BNC2: variants seen among roughly 807,000 people sequenced by gnomAD.
BNC2 encodes the protein zinc finger protein basonuclin-2.
Under a neutral mutation model 76.3 loss-of-function variants are expected in BNC2, and 20 were observed. That is an observed-to-expected ratio of 0.26 (90% CI 0.18 to 0.38). The LOEUF (loss-of-function observed/expected upper bound fraction) is 0.38. BNC2 is among the 10% of genes least tolerant of loss of function. The pLI is 1.00. For synonymous variants in BNC2, 582 were observed against 514.8 expected, an observed-to-expected ratio of 1.13 and a Z score of -1.77; for missense variants, 1,382 against 1,399.8, an observed-to-expected ratio of 0.99 and a Z score of 0.20.
chr9:16,788,539 C>T (rs1332642161), intron 1 of BNC2, among the ~76,000 whole-genome samples: 2 of 131,016 alleles, frequency 1.5e-5, no homozygotes, highest in Non-Finnish European at 3.1e-5. Flanking sequence ...GGCGACAGAG[C>T]AACACTCCTT....
At chr9:16,644,091 T>C (rs1007942490) in intron 3 of BNC2, among the ~76,000 whole-genome samples, 1 of 152,174 alleles carries the variant, frequency 6.6e-6, no homozygotes. Context: ...GTAACCTACA[T>C]CAAAAGACTT....
intron 1 of BNC2, among the ~76,000 whole-genome samples, chr9:16,744,741 G>A (rs1824950515): frequency 6.6e-6 from 1 of 152,150 alleles, no homozygotes; most frequent in South Asian, 2.1e-4. Context: ...CTAGTTTGTG[G>A]CAAGGAGAAA....
intron 1 of BNC2, among the ~76,000 whole-genome samples, chr9:16,860,441 C>A (rs1819369878): frequency 6.6e-6 from 1 of 152,154 alleles, no homozygotes; most frequent in South Asian, 2.1e-4. Context: ...TGGAGAAAAA[C>A]TGTCTTTTCA....
At chr9:16,822,495 T>C (rs1192948898) in intron 1 of BNC2, among the ~76,000 whole-genome samples, 2 of 152,158 alleles carry the variant, frequency 1.3e-5, no homozygotes, top group Non-Finnish European at 2.9e-5. Flanking sequence ...TAGAGTGAAC[T>C]AGTTAGTTTC....
At chr9:16,621,826 C>T (rs551901833) in intron 3 of BNC2, among the ~76,000 whole-genome samples, 12 of 152,090 alleles carry the variant, frequency 7.9e-5, no homozygotes, top group African/African-American at 2.9e-4. Flanking sequence ...GAAAATGTCT[C>T]GATAAACACT....
At chr9:16,691,504 C>CTTTTTTTT (rs71327842) in intron 3 of BNC2, among the ~76,000 whole-genome samples, 4 of 113,234 alleles carry the variant, frequency 3.5e-5, no homozygotes, top group African/African-American at 1.1e-4. Flanking sequence ...GGTATGGGTT[C>CTTTTTTTT]TTTTTTTTTT....
chr9:16,499,779 C>T (rs1276837084), intron 5 of BNC2, among the ~76,000 whole-genome samples: 1 of 151,990 alleles, frequency 6.6e-6, no homozygotes, highest in Non-Finnish European at 1.5e-5. Flanking sequence ...GATAAGCCTG[C>T]CTCAGCCTCC....
intron 3 of BNC2, among the ~76,000 whole-genome samples, chr9:16,685,056 T>C (rs1191914988): frequency 2.0e-5 from 3 of 152,206 alleles, no homozygotes; most frequent in Non-Finnish European, 4.4e-5. Flanking sequence ...GGAGACCATA[T>C]TGTAGGAAGC....
chr9:16,818,765 G>A (rs1211333187), intron 1 of BNC2, among the ~76,000 whole-genome samples: 2 of 152,066 alleles, frequency 1.3e-5, no homozygotes, highest in African/African-American at 4.8e-5. Flanking sequence ...GGAATCAAGT[G>A]AGCCTCCCAC....
At chr9:16,597,467 G>A (rs10118611) in intron 3 of BNC2, among the ~76,000 whole-genome samples, 4,277 of 152,134 alleles carry the variant, frequency 0.028, 207 homozygotes, top group African/African-American at 0.097. Flanking sequence ...GCAGGAATTT[G>A]CTCTGCAAAC....
At chr9:16,803,201 T>C (rs900630456) in intron 1 of BNC2, among the ~76,000 whole-genome samples, 1 of 152,236 alleles carries the variant, frequency 6.6e-6, no homozygotes, top group Non-Finnish European at 1.5e-5. Context: ...CTTGGCTCAA[T>C]TGTGAAATGC....
chr9:16,822,092 CAAAAAAAA>C (rs531393812), intron 1 of BNC2, among the ~76,000 whole-genome samples: 2 of 32,626 alleles, frequency 6.1e-5, no homozygotes, highest in Non-Finnish European at 1.2e-4. Context: ...GACTCCATCT[CAAAAAAAA>C]AAAAAAAAAA....
chr9:16,806,457 AATG>A (rs1048391379), intron 1 of BNC2, among the ~76,000 whole-genome samples: 34 of 152,356 alleles, frequency 2.2e-4, no homozygotes, highest in African/African-American at 5.3e-4. Flanking sequence ...CTTGGAACAT[AATG>A]ATAAGAAGGA....
At chr9:16,528,261 CT>C (rs1817871728) in intron 5 of BNC2, among the ~76,000 whole-genome samples, 1 of 152,070 alleles carries the variant, frequency 6.6e-6, no homozygotes, top group Admixed American at 6.5e-5. Context: ...ATAACTTTTT[CT>C]CTTATTTTTT....
intron 3 of BNC2, among the ~76,000 whole-genome samples, chr9:16,607,591 T>C (rs999331082): frequency 1.4e-4 from 21 of 152,222 alleles, no homozygotes; most frequent in African/African-American, 5.1e-4. Flanking sequence ...ACTTTACCAA[T>C]CTTGTTTAAA....
At chr9:16,585,935 T>G (rs1021952899) in intron 3 of BNC2, among the ~76,000 whole-genome samples, 1 of 152,086 alleles carries the variant, frequency 6.6e-6, no homozygotes, top group Admixed American at 6.5e-5. Flanking sequence ...AATGCAGGTA[T>G]GCAGAAAGGA....
At chr9:16,468,037 TCTC>T (rs1343112212) in intron 5 of BNC2, among the ~76,000 whole-genome samples, 115 of 147,690 alleles carry the variant, frequency 7.8e-4, no homozygotes, top group African/African-American at 2.9e-3. Context: ...TTTCTTTCTT[TCTC>T]TTTTTTTTTT....
At chr9:16,584,402 T>C (rs1038422777) in intron 3 of BNC2, among the ~76,000 whole-genome samples, 1 of 152,190 alleles carries the variant, frequency 6.6e-6, no homozygotes, top group Non-Finnish European at 1.5e-5. Context: ...CTTTTACCAT[T>C]CCCTATGCTT....
chr9:16,657,782 C>A (rs1821972428), intron 3 of BNC2, among the ~76,000 whole-genome samples: 1 of 152,118 alleles, frequency 6.6e-6, no homozygotes, highest in Non-Finnish European at 1.5e-5. Context: ...TACACAAATG[C>A]ATCAATGACA....
Sources: gnomAD v4.1 joint callset for allele counts (sites outside exome capture counted in the v4.1 genomes callset) on GRCh38, gnomAD v4.1.1 for gene constraint, MANE v1.5 for transcripts, NCBI Gene and HGNC (gene_info 2026-07-23, HGNC 2026-07-21) for gene names.